The following HOMER2 variants were observed in gnomAD, a reference collection of about 807,000 sequenced individuals.
HOMER2 encodes homer scaffold protein 2.
A neutral mutation model predicts 47.0 loss-of-function variants in HOMER2; 27 were observed. The ratio of observed to expected loss-of-function variants is 0.57; its 90% CI spans 0.42 to 0.79. HOMER2 has a LOEUF of 0.79. HOMER2 is among the 30% of genes least tolerant of loss of function. The probability of loss-of-function intolerance (pLI) is 0.00; values close to 1 mark genes in which losing one functional copy is unlikely to be tolerated. For synonymous variants in HOMER2, 161 were observed against 163.8 expected (o/e 0.98, Z 0.13); for missense variants, 443 against 435.0 (o/e 1.02, Z -0.16).
intron 1 of HOMER2, among the ~76,000 whole-genome samples, chr15:82,968,410 A>G (rs893351702): frequency 1.3e-5 from 2 of 152,222 alleles, no homozygotes; most frequent in African/African-American, 2.4e-5. Flanking sequence ...CATTCAACAC[A>G]TTTGTTTAGA....
chr15:82,868,541 A>ATATATATATATATATATATATATATATTT, intron 3 of HOMER2, among the ~76,000 whole-genome samples: 2 of 71,260 alleles, frequency 2.8e-5, no homozygotes, highest in African/African-American at 1.0e-4. Context: ...ATATATATAT[A>ATATATATATATATATATATATATATATTT]TTTTTTTTTT....
rs1359162049 is a variant in HOMER2 at position 82,880,881 on chromosome 15, C to A, written c.163-5477G>T. On this transcript the variant is annotated intron_variant, in intron 2 of 8. Transcript: ENST00000450735. ...GTGAAGGAGTTGGCAGTACACGTGC[C>A]ACAGGTGGCCAGCAACCAAGGAAGA... 2.6e-5 allele frequency among the ~76,000 whole-genome samples: 4 copies of A among 152,144 alleles called. No individual in the cohort carries two copies. In the East Asian group the frequency reaches 7.7e-4, roughly 29 times the overall value.
At chr15:82,836,404 G>GCAGCCC (rs2051127421), downstream of HOMER2, among the ~76,000 whole-genome samples, 1 of 152,202 alleles carries the variant, frequency 6.6e-6, no homozygotes, top group Non-Finnish European at 1.5e-5. Flanking sequence ...CCTCCCCTGG[G>GCAGCCC]CAGCCCCTGC....
chr15:82,860,956 T>TGTGAGAGAGAGAGAGAGA (rs1555420264), intron 4 of HOMER2, among the ~76,000 whole-genome samples: 107 of 42,426 alleles, frequency 2.5e-3, no homozygotes, highest in African/African-American at 8.7e-3. Context: ...AGATAGAAGA[T>TGTGAGAGAGAGAGAGAGA]GAGAGAGAGA....
intron 1 of HOMER2, among the ~76,000 whole-genome samples, chr15:82,931,741 C>T (rs190526300): frequency 5.9e-4 from 89 of 152,120 alleles, no homozygotes; most frequent in African/African-American, 1.7e-3. Context: ...AGAAGACTGA[C>T]GCAGGAGAAT....
intron 4 of HOMER2, among the ~76,000 whole-genome samples, chr15:82,862,967 G>A (rs556382007): frequency 6.6e-6 from 1 of 152,222 alleles, no homozygotes; most frequent in Admixed American, 6.5e-5. Context: ...AGCGATGCTG[G>A]AATTTCTCCC....
At chr15:82,917,349 T>G (rs1047368292) in intron 1 of HOMER2, among the ~76,000 whole-genome samples, 1 of 152,186 alleles carries the variant, frequency 6.6e-6, no homozygotes, top group Admixed American at 6.5e-5. Context: ...ATTGATAGGA[T>G]CCCAGCCACA....
intron 5 of HOMER2, among the ~76,000 whole-genome samples, chr15:82,858,808 A>T (rs898415871): frequency 2.2e-4 from 33 of 151,698 alleles, no homozygotes; most frequent in African/African-American, 7.7e-4. Flanking sequence ...ACACACACAC[A>T]CTCTCTATTT....
At chr15:82,876,601 T>C (rs909536205) in intron 2 of HOMER2, among the ~76,000 whole-genome samples, 1 of 152,206 alleles carries the variant, frequency 6.6e-6, no homozygotes, top group Non-Finnish European at 1.5e-5. Flanking sequence ...AGGGTAGCAA[T>C]AACCACTGGC....
chr15:82,922,560 G>A (rs951139042), intron 1 of HOMER2, among the ~76,000 whole-genome samples: 13 of 152,176 alleles, frequency 8.5e-5, no homozygotes, highest in Admixed American at 6.5e-4. Flanking sequence ...GGAAGAAGCC[G>A]AGAGAGGCCA....
At chr15:82,857,113 G>A (rs1478539645) in intron 5 of HOMER2, among the ~76,000 whole-genome samples, 2 of 152,054 alleles carry the variant, frequency 1.3e-5, no homozygotes, top group African/African-American at 4.8e-5. Flanking sequence ...GAGGCGGGGG[G>A]GCGGGTGTTG....
At chr15:82,975,834 A>G (rs2151260440) in intron 1 of HOMER2, among the ~76,000 whole-genome samples, 1 of 152,344 alleles carries the variant, frequency 6.6e-6, no homozygotes, top group Middle Eastern at 3.4e-3. Context: ...ACTTAATCAT[A>G]CATTTGAAAA....
intron 1 of HOMER2, among the ~76,000 whole-genome samples, chr15:82,945,204 A>G (rs2054349205): frequency 6.6e-6 from 1 of 150,582 alleles, no homozygotes; most frequent in Admixed American, 6.6e-5. Context: ...TGCTTTAAGA[A>G]ATTGTTAAAA....
chr15:82,948,970 G>A (rs1002844166), intron 1 of HOMER2, among the ~76,000 whole-genome samples: 5 of 152,246 alleles, frequency 3.3e-5, no homozygotes, highest in Non-Finnish European at 7.3e-5. Flanking sequence ...GGTGGCTAGA[G>A]TGGGAACTAT....
At chr15:82,874,765 A>G (rs2052291724) in intron 3 of HOMER2, among the ~76,000 whole-genome samples, 1 of 152,264 alleles carries the variant, frequency 6.6e-6, no homozygotes, top group Non-Finnish European at 1.5e-5. Context: ...TGTCAGAGAC[A>G]AAGTGTGCCT....
intron 2 of HOMER2, among the ~76,000 whole-genome samples, chr15:82,878,117 T>C (rs1472875292): frequency 6.6e-6 from 1 of 152,192 alleles, no homozygotes; most frequent in East Asian, 1.9e-4. Context: ...ACTTTAAATC[T>C]TGCTGCTACT....
Position 82,913,252 on chromosome 15 carries a change from G to A in HOMER2, c.6-20411C>T, listed in dbSNP as rs1373569939. ...CTGTGCCCTGGAGAGGGTGGTTATG[G>A]CAGCCACCAGTGCCCAAGGAGAACA... On this transcript the variant is annotated intron_variant, in intron 1 of 8. Coordinates refer to ENST00000450735, the MANE Select transcript of HOMER2 (RefSeq NM_004839.4). The surrounding 1 kb of genome is among the most constrained non-coding windows in gnomAD (Gnocchi z 4.1). 6.6e-6 allele frequency among the ~76,000 whole-genome samples: 1 copy of A among 152,102 alleles called. No homozygotes were observed. Among genetic ancestry groups the A allele is most frequent in the East Asian group, 1.9e-4 (1 of 5,198 alleles).
intron 2 of HOMER2, 102 bp from the exon 3 acceptor site, chr15:82,875,506 A>G: frequency 8.0e-7 from 1 of 1,247,420 alleles, no homozygotes; most frequent in South Asian, 1.4e-5. Flanking sequence ...TCAAGCCTGT[A>G]TCCTCTGCCC....
chr15:82,948,470 T>A (rs950832312), intron 1 of HOMER2, among the ~76,000 whole-genome samples: 4 of 150,532 alleles, frequency 2.7e-5, no homozygotes, highest in Admixed American at 6.6e-5. Context: ...AGCTGAGGCA[T>A]GAGAATCGCT....
Sources: gnomAD v4.1 joint callset for allele counts (sites outside exome capture counted in the v4.1 genomes callset) on GRCh38, gnomAD v4.1.1 for gene constraint, Gnocchi (gnomAD v3.1) non-coding constraint, MANE v1.5 for transcripts, NCBI Gene and HGNC (gene_info 2026-07-23, HGNC 2026-07-21) for gene names.